Variants in NEGR1 observed in about 807,000 individuals in gnomAD.
NEGR1 encodes the protein neuronal growth regulator 1.
A neutral mutation model predicts 40.9 loss-of-function variants in NEGR1; 10 were observed. That is an observed-to-expected ratio of 0.24 (90% CI 0.15 to 0.42). The LOEUF is 0.42. NEGR1 is among the 10% of genes least tolerant of loss of function. The pLI is 1.00. For synonymous variants in NEGR1, 185 were observed against 166.8 expected, an observed-to-expected ratio of 1.11 and a Z score of -0.84; for missense variants, 352 against 438.9, an observed-to-expected ratio of 0.80 and a Z score of 1.77.
At chr1:71,442,226 CTTTTTTTTTTTTTT>C (rs35594326) in intron 6 of NEGR1, among the ~76,000 whole-genome samples, 2 of 84,974 alleles carry the variant, frequency 2.4e-5, no homozygotes, top group African/African-American at 4.5e-5. Context: ...GGTAGCATTC[CTTTTTTTTTTTTTT>C]TTTTTTTTTT....
At chr1:71,849,788 C>T (rs12406664) in intron 2 of NEGR1, among the ~76,000 whole-genome samples, 19,907 of 152,060 alleles carry the variant, frequency 0.13, 1,374 homozygotes, top group African/African-American at 0.15. Context: ...AAGGTTACAA[C>T]CTGATGAAGG....
intron 4 of NEGR1, among the ~76,000 whole-genome samples, chr1:71,685,503 G>C (rs932124762): frequency 1.3e-5 from 2 of 151,994 alleles, no homozygotes; most frequent in Non-Finnish European, 2.9e-5. Context: ...TGTATTTTTA[G>C]TAAAGATGGG....
At chr1:71,847,909 A>T (rs1172932256) in intron 2 of NEGR1, among the ~76,000 whole-genome samples, 1 of 152,244 alleles carries the variant, frequency 6.6e-6, no homozygotes, top group Non-Finnish European at 1.5e-5. Context: ...AGAATTAATC[A>T]AGCTGTAAAT....
chr1:71,550,575 T>C (rs1465485481), intron 6 of NEGR1, among the ~76,000 whole-genome samples: 2 of 151,500 alleles, frequency 1.3e-5, no homozygotes, highest in African/African-American at 4.8e-5. Context: ...TGTAAACCTG[T>C]GTAGGCCCAC....
In NEGR1 at chr1:71,865,406, TAAA is replaced by T. The variant is rs367844456; in HGVS notation, c.409+69670_409+69672del. Among the ~76,000 whole-genome samples, 326 of 152,126 alleles carry T rather than the reference TAAA, an allele frequency of 2.1e-3. 5 individuals are homozygous for T. Among genetic ancestry groups the T allele is most frequent in the Admixed American group, 0.016 (247 of 15,264 alleles). On this transcript the variant is annotated intron_variant, in intron 2 of 6. Transcript: ENST00000357731. ...TACACCATGGAATACTACGCAGTCA[TAAA>T]AAAGGATGAGTTCATGTCCTTTGCA...
intron 2 of NEGR1, among the ~76,000 whole-genome samples, chr1:71,778,472 T>C (rs1317477998): frequency 1.3e-5 from 2 of 152,180 alleles, no homozygotes; most frequent in East Asian, 3.8e-4. Flanking sequence ...TGATGTTCGA[T>C]AGTTTAAGTG....
chr1:71,602,864 C>T lies in NEGR1; in HGVS notation c.788+8162G>A, dbSNP rs376945196. 5.9e-5 allele frequency among the ~76,000 whole-genome samples: 9 copies of T among 152,192 alleles called. No homozygotes were observed. The East Asian group carries it at 7.7e-4, about 13-fold the overall frequency. ...TAATAATATGTATTTGTGTCTCACACGGGCATGTGCTCTTCAGTTCCCAGT... is the reference window on the plus strand; with the variant it reads ...TAATAATATGTATTTGTGTCTCACATGGGCATGTGCTCTTCAGTTCCCAGT... On this transcript the variant is annotated intron_variant, in intron 5 of 6. Transcript: ENST00000357731.
intron 1 of NEGR1, among the ~76,000 whole-genome samples, chr1:72,051,135 C>T (rs1436975580): frequency 6.6e-6 from 1 of 151,416 alleles, no homozygotes; most frequent in South Asian, 2.1e-4. Context: ...CTCTAAATGG[C>T]TGATGTTTAT....
At chr1:71,702,243 G>A (rs922606019) in intron 3 of NEGR1, among the ~76,000 whole-genome samples, 14 of 151,762 alleles carry the variant, frequency 9.2e-5, no homozygotes, top group African/African-American at 2.2e-4. Context: ...GATATTACTC[G>A]TGACAAGATC....
At chr1:71,923,907 CT>C (rs201877249) in intron 2 of NEGR1, among the ~76,000 whole-genome samples, 18,246 of 147,848 alleles carry the variant, frequency 0.12, 1,207 homozygotes, top group Middle Eastern at 0.22. Flanking sequence ...TAGGCACTTT[CT>C]TTTTTTTTTT....
chr1:71,476,125 T>A (rs914072379), intron 6 of NEGR1, among the ~76,000 whole-genome samples: 7 of 152,198 alleles, frequency 4.6e-5, no homozygotes, highest in Middle Eastern at 3.4e-3. Flanking sequence ...TGTCATTTTT[T>A]AAAAATAAAA....
chr1:71,575,456 T>G (rs1648933123), intron 6 of NEGR1, among the ~76,000 whole-genome samples: 1 of 152,160 alleles, frequency 6.6e-6, no homozygotes, highest in Non-Finnish European at 1.5e-5. Context: ...AGTGAGGCAT[T>G]GGAGCTATCA....
At chr1:72,090,079 T>C (rs1648405164) in intron 1 of NEGR1, among the ~76,000 whole-genome samples, 1 of 152,126 alleles carries the variant, frequency 6.6e-6, no homozygotes, top group Non-Finnish European at 1.5e-5. Flanking sequence ...CATTTCTGAT[T>C]GCTCCAAATA....
At chr1:72,264,410 T>C (rs1655569455) in intron 1 of NEGR1, among the ~76,000 whole-genome samples, 2 of 151,160 alleles carry the variant, frequency 1.3e-5, no homozygotes, top group Non-Finnish European at 3.0e-5. Context: ...TATGTTTAAA[T>C]TTAAATTTAA....
At chr1:72,249,418 T>C (rs954399777) in intron 1 of NEGR1, among the ~76,000 whole-genome samples, 3 of 152,180 alleles carry the variant, frequency 2.0e-5, no homozygotes, top group Non-Finnish European at 4.4e-5. Flanking sequence ...TCAGTAGATA[T>C]GTAAAAATAT....
In NEGR1 at chr1:71,677,957, T is replaced by C. The variant is rs777454636; in HGVS notation, c.667+20051A>G. ...ACAGGAAGTTGGATTATAACTTATC[T>C]ATTTTAAGTCAGTTTGAACATTTGC... On this transcript the variant is annotated intron_variant, in intron 4 of 6. Transcript: ENST00000357731. Among the ~76,000 whole-genome samples, 11 of 152,282 alleles carry C rather than the reference T, an allele frequency of 7.2e-5. No homozygotes were observed. The East Asian group carries it at 1.7e-3, about 24-fold the overall frequency.
At chr1:71,982,326 T>C (rs1646360919) in intron 1 of NEGR1, among the ~76,000 whole-genome samples, 1 of 152,084 alleles carries the variant, frequency 6.6e-6, no homozygotes, top group Middle Eastern at 3.4e-3. Context: ...GAAGAATTTC[T>C]CAGTCCTCAC....
intron 4 of NEGR1, among the ~76,000 whole-genome samples, chr1:71,626,889 GA>G (rs1419776794): frequency 6.6e-6 from 1 of 152,112 alleles, no homozygotes; most frequent in Non-Finnish European, 1.5e-5. Flanking sequence ...AAAGATACAT[GA>G]AAAAATGCTC....
At chr1:71,803,842 T>A (rs984029578) in intron 2 of NEGR1, among the ~76,000 whole-genome samples, 2 of 152,172 alleles carry the variant, frequency 1.3e-5, no homozygotes, top group African/African-American at 4.8e-5. Flanking sequence ...GAAATTTTTG[T>A]TGATCTTGGT....
Sources: allele counts gnomAD v4.1 joint callset (sites outside exome capture counted in the v4.1 genomes callset), GRCh38; gene constraint gnomAD v4.1.1; transcripts MANE v1.5; gene names NCBI Gene and HGNC (gene_info 2026-07-23, HGNC 2026-07-21).